The following ADGRB1 variants were observed in gnomAD, a reference collection of about 807,000 sequenced individuals.
ADGRB1 encodes the protein adhesion G protein-coupled receptor B1.
A neutral mutation model predicts 175.7 loss-of-function variants in ADGRB1; 36 were observed. That is an observed-to-expected ratio of 0.20 (90% CI 0.16 to 0.27). The LOEUF (loss-of-function observed/expected upper bound fraction) is 0.27. ADGRB1 is among the 10% of genes least tolerant of loss of function. ADGRB1 has a pLI of 1.00. For synonymous variants in ADGRB1, 1,054 were observed against 979.4 expected (o/e 1.08, Z -1.42); for missense variants, 1,731 against 2,255.3 (o/e 0.77, Z 4.71).
Position 142,542,742 on chromosome 8 carries a change from C to T in ADGRB1, c.4413+95C>T, listed in dbSNP as rs547149869. 1.6e-4 allele frequency: 196 copies of T among 1,208,556 alleles called. No homozygotes were observed. The African/African-American group carries it at 1.9e-3, about 12-fold the overall frequency. The allele number at this position is 1,208,556 out of a possible 1,614,324, so 74.9% of individuals were successfully genotyped here. The stretch of plus-strand genomic sequence containing the variant: ...CTGGGTGGGACCCCCACGCCGTCAG[C>T]GGGGCGGGCTGGCTCTGCCTCCTAG... On this transcript the variant is annotated intron_variant, in intron 28 of 30. Transcript: ENST00000517894. This position sits in a 1 kb window ranked among gnomAD's most constrained non-coding sequence, Gnocchi z 6.3.
In ADGRB1 at chr8:142,544,492, C is replaced by T. The variant is rs535785095; in HGVS notation, c.*75C>T. 262 of 1,397,710 alleles carry T rather than the reference C, an allele frequency of 1.9e-4. No homozygotes were observed. In the Middle Eastern group the frequency reaches 2.4e-3, roughly 13 times the overall value. 86.6% of individuals were successfully genotyped at this position (1,397,710 alleles called of 1,614,324 possible). ...CGCCCGCTCCTGCCGCAGACGGGCA[C>T]AGACACGCTCGCGGGCAGCGGGCCA... On this transcript the variant is annotated 3_prime_UTR_variant, in exon 31 of 31. Transcript: ENST00000517894.
chr8:142,459,790 G>T (rs978672487), intron 1 of ADGRB1, among the ~76,000 whole-genome samples: 2 of 152,168 alleles, frequency 1.3e-5, no homozygotes, highest in African/African-American at 4.8e-5. Flanking sequence ...CTCAGCAGAG[G>T]CCACCAGCCC....
intron 2 of ADGRB1, among the ~76,000 whole-genome samples, chr8:142,469,853 G>C (rs950636246): frequency 1.3e-5 from 2 of 152,228 alleles, no homozygotes; most frequent in Admixed American, 1.3e-4. Flanking sequence ...CCATTCAGAA[G>C]ACACACAGCT....
At chr8:142,515,734 G>A (rs932465133) in intron 18 of ADGRB1, among the ~76,000 whole-genome samples, 5 of 152,196 alleles carry the variant, frequency 3.3e-5, no homozygotes, top group South Asian at 2.1e-4. Context: ...GGGAGGGATC[G>A]GGGGGCCGGT....
intron 18 of ADGRB1, among the ~76,000 whole-genome samples, chr8:142,517,837 C>T (rs1402748158): frequency 6.6e-6 from 1 of 152,172 alleles, no homozygotes; most frequent in East Asian, 1.9e-4. Context: ...CTGGAATTGA[C>T]GGGGTTCCGA....
rs1484764905 is a variant in ADGRB1, at chr8:142,479,690, C to T, written c.1727-3C>T. 3.1e-6 allele frequency: 5 copies of T among 1,612,436 alleles called. No homozygotes were observed. The South Asian group carries it at 4.4e-5, about 14-fold the overall frequency. ...TGAACCCCTGTCCCGGGCCCCTTGG[C>T]AGAGCCCCATGAGATCTGTGATGAG... On this transcript the variant is annotated splice_region_variant and splice_polypyrimidine_tract_variant and intron_variant, in intron 8 of 30. Transcript: ENST00000517894.
intron 11 of ADGRB1, among the ~76,000 whole-genome samples, chr8:142,482,110 A>G (rs1841378241): frequency 6.7e-6 from 1 of 149,640 alleles, no homozygotes; most frequent in Admixed American, 6.6e-5. Flanking sequence ...GATCCTGGTC[A>G]CACTCTGAGT....
chr8:142,455,377 G>A lies in ADGRB1; in HGVS notation c.-220+5273G>A, dbSNP rs1033922862. 6.6e-5 allele frequency among the ~76,000 whole-genome samples: 10 copies of A among 152,058 alleles called. No individual in the cohort carries two copies. Among genetic ancestry groups the A allele is most frequent in the African/African-American group, 1.2e-4 (5 of 41,472 alleles). On this transcript the variant is annotated intron_variant, in intron 1 of 30. Coordinates refer to ENST00000517894, the MANE Select transcript of ADGRB1 (RefSeq NM_001702.3). The surrounding 1 kb of genome is among the most constrained non-coding windows in gnomAD (Gnocchi z 4.9). Reference sequence around the variant, plus strand: ...CCATGGCTGTCCTCCTGCTTGTGGCGTTCTGTTCTCTCGGGCATCCCTCTC... The same window carrying A: ...CCATGGCTGTCCTCCTGCTTGTGGCATTCTGTTCTCTCGGGCATCCCTCTC...
At position 142,477,488 on chromosome 8, in the gene ADGRB1, G is replaced by A. The variant is rs746300766; in HGVS notation, c.1326G>A (p.Gly442=). 45 of 1,613,040 alleles carry A rather than the reference G, an allele frequency of 2.8e-5. No individual in the cohort carries two copies. The highest frequency in any genetic ancestry group is 3.7e-5 in the Non-Finnish European group (44 of 1,179,824). The change falls in exon 6 of 31, where the codon GGG becomes GGA. Residue 442 remains glycine (G), a synonymous_variant. Transcript: ENST00000517894. ...RTRTCRPPQF[G]GNPCEGPEKQ... is the part of the protein sequence containing the mutation. ...GCACCTGCAGGCCCCCCCAGTTTGG[G>A]GGCAACCCCTGTGAGGGCCCTGAGA...
Position 142,540,288 on chromosome 8 carries a change from G to C in ADGRB1, c.3706+875G>C, listed in dbSNP as rs185978933. Reference sequence around the variant, plus strand: ...GAGGAAGTGACTTCGGGGCTGGGCTGAATGGGAGCTGGACAAAAAGCACCT... The same window carrying C: ...GAGGAAGTGACTTCGGGGCTGGGCTCAATGGGAGCTGGACAAAAAGCACCT... On this transcript the variant is annotated intron_variant, in intron 27 of 30. Coordinates refer to ENST00000517894, the MANE Select transcript of ADGRB1 (RefSeq NM_001702.3). Among the ~76,000 whole-genome samples, 489 of 152,368 alleles carry C rather than the reference G, an allele frequency of 3.2e-3. 2 individuals are homozygous for C. The highest frequency in any genetic ancestry group is 0.011 in the African/African-American group (475 of 41,588).
intron 25 of ADGRB1, among the ~76,000 whole-genome samples, chr8:142,534,303 A>G (rs553746202): frequency 1.1e-4 from 17 of 152,320 alleles, no homozygotes; most frequent in South Asian, 4.1e-4. Context: ...TTCCGGCCTT[A>G]GGTGGCGATT....
At chr8:142,516,709 G>A (rs1247341139) in intron 18 of ADGRB1, among the ~76,000 whole-genome samples, 2 of 151,236 alleles carry the variant, frequency 1.3e-5, no homozygotes, top group Non-Finnish European at 2.9e-5. Flanking sequence ...GCGTGCATGT[G>A]TGCGGGCCCC....
chr8:142,471,687 T>G (rs1840671392), intron 2 of ADGRB1, among the ~76,000 whole-genome samples: 1 of 152,222 alleles, frequency 6.6e-6, no homozygotes, highest in South Asian at 2.1e-4. Context: ...CGCTCTTAGC[T>G]CACCTGGGAA....
At position 142,539,416 on chromosome 8, in the gene ADGRB1, G is replaced by T; in HGVS notation, c.3706+3G>T. ...CGTGGATCTGGCCTGTAGATCAGGT[G>T]AGCGCCCGACAGGTGAGAGGACAGT... On this transcript the variant is annotated splice_donor_region_variant and intron_variant, in intron 27 of 30. Coordinates refer to ENST00000517894, the MANE Select transcript of ADGRB1 (RefSeq NM_001702.3). The T allele has an allele frequency of 6.2e-7, 1 of 1,600,846 alleles. No homozygotes were observed. Among genetic ancestry groups the T allele is most frequent in the East Asian group, 2.3e-5 (1 of 44,092 alleles).
chr8:142,452,054 A>T (rs1839383865), intron 1 of ADGRB1, among the ~76,000 whole-genome samples: 1 of 152,194 alleles, frequency 6.6e-6, no homozygotes, highest in Non-Finnish European at 1.5e-5. Context: ...CCGCCGAGTC[A>T]GTCCCGCTCG....
In ADGRB1 at chr8:142,455,164, G is replaced by A. The variant is rs547043355; in HGVS notation, c.-220+5060G>A. ...GCTACCTCAGCCGCACCCTGCCGCC[G>A]GCACCACACTGCACCATCATTCCTA... On this transcript the variant is annotated intron_variant, in intron 1 of 30. Coordinates refer to ENST00000517894, the MANE Select transcript of ADGRB1 (RefSeq NM_001702.3). This position sits in a 1 kb window ranked among gnomAD's most constrained non-coding sequence, Gnocchi z 4.9. Among the ~76,000 whole-genome samples the A allele has an allele frequency of 6.0e-4, 68 of 114,224 alleles. No individual in the cohort carries two copies. The highest frequency in any genetic ancestry group is 2.1e-3 in the African/African-American group (62 of 29,546). 74.9% of individuals were successfully genotyped at this position (114,224 alleles called of 152,430 possible). A position where few individuals can be genotyped will look rare whatever the true frequency, so the allele number is the denominator to read the frequency against.
intron 24 of ADGRB1, among the ~76,000 whole-genome samples, chr8:142,527,589 T>A (rs1272031950): frequency 6.6e-6 from 1 of 152,036 alleles, no homozygotes; most frequent in Non-Finnish European, 1.5e-5. Context: ...GTGCTTTGTC[T>A]CCTGGCCTGG....
intron 27 of ADGRB1, 100 bp from the exon 28 acceptor site, chr8:142,541,841 G>A (rs1845288852): frequency 4.7e-6 from 6 of 1,276,342 alleles, no homozygotes; most frequent in Admixed American, 2.5e-5. Flanking sequence ...AGGAGGTGGC[G>A]GCCTCGCAGG....
At chr8:142,489,002 G>T (rs963124575) in intron 14 of ADGRB1, 33 bp from the exon 15 acceptor site, 1 of 1,602,958 alleles carries the variant, frequency 6.2e-7, no homozygotes. Context: ...TGTGGGGATG[G>T]CGGGCCGGGG....
Sources: allele counts gnomAD v4.1 joint callset (sites outside exome capture counted in the v4.1 genomes callset), GRCh38; gene constraint gnomAD v4.1.1; non-coding constraint Gnocchi (gnomAD v3.1); transcripts MANE v1.5; gene names NCBI Gene and HGNC (gene_info 2026-07-23, HGNC 2026-07-21).